Variants in AFF3 observed in about 807,000 individuals in gnomAD.
AFF3 encodes the protein AF4/FMR2 family member 3.
A neutral mutation model predicts 129.7 loss-of-function variants in AFF3; 32 were observed. That is an observed-to-expected ratio of 0.25 (90% confidence interval 0.19 to 0.33). The LOEUF (loss-of-function observed/expected upper bound fraction) is 0.33, where lower values mean the gene tolerates loss of function less well. Ranked by LOEUF, AFF3 falls within the 10% of genes least tolerant of loss-of-function variation. The probability of loss-of-function intolerance (pLI) is 1.00; values close to 1 mark genes in which losing one functional copy is unlikely to be tolerated. For synonymous variants in AFF3, 644 were observed against 635.4 expected (o/e 1.01, Z -0.20); for missense variants, 1,373 against 1,592.0 (o/e 0.86, Z 2.34).
At chr2:99,889,524 C>T (rs188896379) in intron 7 of AFF3, among the ~76,000 whole-genome samples, 31 of 152,300 alleles carry the variant, frequency 2.0e-4, no homozygotes, top group East Asian at 9.6e-4. Flanking sequence ...ACCCGCATAA[C>T]GCCTTCCCAG....
At chr2:99,585,419 G>A (rs1678001704) in intron 16 of AFF3, among the ~76,000 whole-genome samples, 1 of 152,140 alleles carries the variant, frequency 6.6e-6, no homozygotes, top group Non-Finnish European at 1.5e-5. Flanking sequence ...AATTCCAGAG[G>A]TACACAGACC....
Position 100,086,906 on chromosome 2 carries a change from C to T in AFF3, c.53+17496G>A, listed in dbSNP as rs554204355. Among the ~76,000 whole-genome samples the T allele has an allele frequency of 1.1e-3, 165 of 152,350 alleles. 1 individual carries two copies. Among genetic ancestry groups the T allele is most frequent in the African/African-American group, 3.7e-3 (153 of 41,592 alleles). Reference sequence around the variant, plus strand: ...TCTTACAACAGCCCTTAGAGTTAGGCAAGACACACATTATCTGCATTTTAC... The same window carrying T: ...TCTTACAACAGCCCTTAGAGTTAGGTAAGACACACATTATCTGCATTTTAC... On this transcript the variant is annotated intron_variant, in intron 4 of 24. Coordinates refer to ENST00000672756, the MANE Select transcript of AFF3 (RefSeq NM_001386135.1).
intron 18 of AFF3, among the ~76,000 whole-genome samples, chr2:99,574,837 G>A (rs1426360474): frequency 2.0e-5 from 3 of 152,092 alleles, no homozygotes; most frequent in South Asian, 4.2e-4. Context: ...TTCTTCCACT[G>A]GTGGCCTCTC....
chr2:99,880,977 C>T (rs994850760), intron 7 of AFF3, among the ~76,000 whole-genome samples: 17 of 152,296 alleles, frequency 1.1e-4, no homozygotes, highest in African/African-American at 3.1e-4. Flanking sequence ...ACTTACTTCA[C>T]GGAGGAAGCA....
intron 8 of AFF3, among the ~76,000 whole-genome samples, chr2:99,823,736 C>T (rs915971310): frequency 5.3e-5 from 8 of 152,122 alleles, no homozygotes; most frequent in Non-Finnish European, 1.0e-4. Context: ...AGAAAGAAAA[C>T]GTGGCACGTG....
chr2:100,009,012 A>C, intron 4 of AFF3, 80 bp from the exon 5 acceptor site: 1 of 1,543,100 alleles, frequency 6.5e-7, no homozygotes, highest in Non-Finnish European at 8.7e-7. Context: ...GTGTGAGTGC[A>C]GAAGTCTGGT....
intron 7 of AFF3, among the ~76,000 whole-genome samples, chr2:99,907,121 C>T (rs898126023): frequency 1.3e-5 from 2 of 152,176 alleles, no homozygotes; most frequent in Non-Finnish European, 2.9e-5. Flanking sequence ...TTAATTCTAG[C>T]AACACTCATG....
At chr2:99,973,142 C>T (rs1678556550) in intron 7 of AFF3, among the ~76,000 whole-genome samples, 1 of 152,192 alleles carries the variant, frequency 6.6e-6, no homozygotes. Flanking sequence ...ATTCCCATGA[C>T]CCCCAGCTGT....
intron 8 of AFF3, among the ~76,000 whole-genome samples, chr2:99,805,813 TACACACACACACACAC>T (rs3072357): frequency 4.2e-5 from 6 of 142,944 alleles, no homozygotes; most frequent in South Asian, 2.4e-4. Context: ...GCAGGAGTCT[TACACACACACACACAC>T]ACACACACAC....
chr2:99,961,843 GAA>G (rs1414521454), intron 7 of AFF3, among the ~76,000 whole-genome samples: 1 of 152,174 alleles, frequency 6.6e-6, no homozygotes, highest in Non-Finnish European at 1.5e-5. Context: ...TCTGCAAATT[GAA>G]AGAGTCTCAC....
At chr2:99,893,927 G>C (rs1693752077) in intron 7 of AFF3, among the ~76,000 whole-genome samples, 1 of 152,168 alleles carries the variant, frequency 6.6e-6, no homozygotes, top group Admixed American at 6.5e-5. Flanking sequence ...GAGGCTCCAT[G>C]TATCTGAACC....
At chr2:99,831,360 G>A (rs971120763) in intron 8 of AFF3, among the ~76,000 whole-genome samples, 5 of 152,094 alleles carry the variant, frequency 3.3e-5, no homozygotes, top group African/African-American at 1.2e-4. Context: ...ATTAAGTATG[G>A]GAACAAGAAA....
chr2:99,836,278 T>C (rs1688867483), intron 8 of AFF3, among the ~76,000 whole-genome samples: 1 of 152,170 alleles, frequency 6.6e-6, no homozygotes, highest in African/African-American at 2.4e-5. Flanking sequence ...ACTGCAAATA[T>C]GAAAGTATGT....
At chr2:100,027,638 G>T (rs1397820760) in intron 4 of AFF3, among the ~76,000 whole-genome samples, 1 of 151,920 alleles carries the variant, frequency 6.6e-6, no homozygotes, top group Non-Finnish European at 1.5e-5. Context: ...CTCAGTTTTT[G>T]CATAAAACTG....
chr2:100,064,583 C>T (rs1267862885), intron 4 of AFF3, among the ~76,000 whole-genome samples: 1 of 152,208 alleles, frequency 6.6e-6, no homozygotes, highest in African/African-American at 2.4e-5. Context: ...GTTAGCCTTC[C>T]TCAACAAAAA....
At chr2:99,684,705 G>C (rs770483370) in intron 11 of AFF3, among the ~76,000 whole-genome samples, 4 of 150,856 alleles carry the variant, frequency 2.7e-5, no homozygotes, top group Non-Finnish European at 2.9e-5. Flanking sequence ...TCAACCTCCT[G>C]GTTTCCAGTG....
At chr2:99,747,326 G>A (rs757985793) in intron 9 of AFF3, among the ~76,000 whole-genome samples, 28 of 151,284 alleles carry the variant, frequency 1.9e-4, no homozygotes, top group Admixed American at 3.3e-4. Context: ...CACTGCGCCC[G>A]GCCTATCTTA....
At chr2:99,968,666 G>A (rs1382032210) in intron 7 of AFF3, among the ~76,000 whole-genome samples, 1 of 152,020 alleles carries the variant, frequency 6.6e-6, no homozygotes, top group Non-Finnish European at 1.5e-5. Flanking sequence ...AGGAGCAGGA[G>A]TGCCATCAAC....
At chr2:99,634,095 A>G (rs1415208778) in intron 13 of AFF3, among the ~76,000 whole-genome samples, 1 of 151,758 alleles carries the variant, frequency 6.6e-6, no homozygotes, top group Non-Finnish European at 1.5e-5. Context: ...TTGTATTTTT[A>G]GTAGAGACAG....
Sources: gnomAD v4.1 joint callset for allele counts (sites outside exome capture counted in the v4.1 genomes callset) on GRCh38, gnomAD v4.1.1 for gene constraint, MANE v1.5 for transcripts, NCBI Gene and HGNC (gene_info 2026-07-23, HGNC 2026-07-21) for gene names.